The following GPR179 variants were observed in gnomAD, a reference collection of about 807,000 sequenced individuals.
The protein encoded by GPR179 is G protein-coupled receptor 179.
A neutral mutation model predicts 70.8 loss-of-function variants in GPR179; 52 were observed. That is an observed-to-expected ratio of 0.73 (90% confidence interval 0.59 to 0.93). GPR179 has a LOEUF of 0.93. Among genes scored for constraint, GPR179 ranks in the 40% least tolerant of loss-of-function variants. The probability of loss-of-function intolerance (pLI) is 0.00; values close to 1 mark genes in which losing one functional copy is unlikely to be tolerated. For synonymous variants in GPR179, 1,123 were observed against 1,169.0 expected, an observed-to-expected ratio of 0.96 and a Z score of 0.80; for missense variants, 2,734 against 2,966.8, an observed-to-expected ratio of 0.92 and a Z score of 1.82.
Position 38,330,725 on chromosome 17 carries a change from C to T in GPR179, c.2844G>A (p.Leu948=). ...TGGGAGATAGCATCCTTGGCTCTCCCAGGCCCCCAGACAGGGCCAAGATGG... is the reference window on the plus strand; with the variant it reads ...TGGGAGATAGCATCCTTGGCTCTCCTAGGCCCCCAGACAGGGCCAAGATGG... The part of the protein sequence containing the change: ...STPILALSGG[L]GEPRMLSPTS... Residue 948 remains leucine (L), a synonymous_variant, in exon 11 of 11, where the codon CTG becomes CTA. Coordinates refer to ENST00000616987, the MANE Select transcript of GPR179 (RefSeq NM_001004334.4). 1 of 1,590,086 alleles carries T rather than the reference C, an allele frequency of 6.3e-7. No individual in the cohort carries two copies. The highest frequency in any genetic ancestry group is 8.6e-7 in the Non-Finnish European group (1 of 1,165,800).
Position 38,327,567 on chromosome 17 carries a change from T to C in GPR179, c.6002A>G (p.Asp2001Gly). The C allele has an allele frequency of 6.2e-7, 1 of 1,614,130 alleles. No individual in the cohort carries two copies. The highest frequency in any genetic ancestry group is 8.5e-7 in the Non-Finnish European group (1 of 1,180,030). ...GGRAADVCPW[D>G]VPDAGVYKSD... ...TTTATACACACCTGCATCAGGAACATCCCATGGGCACACGTCAGCGGCCCT... is the reference window on the plus strand; with the variant it reads ...TTTATACACACCTGCATCAGGAACACCCCATGGGCACACGTCAGCGGCCCT... The change falls in exon 11 of 11, where the codon GAT (aspartate) becomes GGT (glycine). Residue 2001 changes from aspartate (D) to glycine (G), a missense_variant. Physicochemically the swap from Asp to Gly is moderately conservative, Grantham distance 94. Coordinates refer to ENST00000616987, the MANE Select transcript of GPR179 (RefSeq NM_001004334.4).
chr17:38,327,906 GC>G lies in GPR179; in HGVS notation c.5662del (p.Ala1888ProfsTer11). ...NKDLRESPAQ[A>X]PKISDLPSSM... ...GCTGGGCAAGTCTGAGATCTTGGGG[GC>G]CTGAGCAGGGGATTCCCTCAAGTCC... On this transcript the variant is annotated frameshift_variant, in exon 11 of 11. Transcript: ENST00000616987. LOFTEE classifies it low-confidence loss of function (END_TRUNC). 6.2e-7 allele frequency: 1 copy of G among 1,614,162 alleles called. No homozygotes were observed.
Position 38,333,346 on chromosome 17 carries a change from C to T in GPR179, c.1942G>A (p.Glu648Lys). 1.2e-6 allele frequency: 2 copies of T among 1,614,070 alleles called. No homozygotes were observed. The highest frequency in any genetic ancestry group is 8.5e-7 in the Non-Finnish European group (1 of 1,179,994). The change falls in exon 10 of 11, where the codon GAG becomes AAG. Residue 648 changes from glutamate to lysine, a missense_variant. Glu to Lys is a moderately conservative substitution (Grantham distance 56). Coordinates refer to ENST00000616987, the MANE Select transcript of GPR179 (RefSeq NM_001004334.4). ...GAGTGCTGCAGGTCCAGCTCGTCCT[C>T]ACACACCTCATCCACCATCTCCTCC... ...PREEMVDEVC[E>K]DELDLQHSGS...
At position 38,335,081 on chromosome 17, in the gene GPR179, G is replaced by A; in HGVS notation, c.1597C>T (p.His533Tyr). The A allele has an allele frequency of 6.2e-7, 1 of 1,613,576 alleles. No homozygotes were observed. The highest frequency in any genetic ancestry group is 8.5e-7 in the Non-Finnish European group (1 of 1,179,892). Residue 533 changes from histidine to tyrosine, a missense_variant, in exon 7 of 11, where the codon CAT becomes TAT. Transcript: ENST00000616987. ...VIRGHTPSGR[H>Y]FYLCHHDRWD... ...CGGTCGTGGTGACAGAGGTAGAAAT[G>A]GCGGCCACTGGGAGTGTGGCCTCGG...
At position 38,328,847 on chromosome 17, in the gene GPR179, TG is replaced by T. The variant is rs2037319476; in HGVS notation, c.4721del (p.Pro1574HisfsTer24). 8 of 1,613,404 alleles carry T rather than the reference TG, an allele frequency of 5.0e-6. No homozygotes were observed. The highest frequency in any genetic ancestry group is 6.8e-6 in the Non-Finnish European group (8 of 1,179,848). ...NGGSRATQVCPQEDLRPEAQE... is the reference protein window; with the variant it reads ...NGGSRATQVCXQEDLRPEAQE... ...GTGCCTCCGGCCTGAGATCTTCCTGTGGACACACCTGCGTTGCTCTGCTTCC... is the reference window on the plus strand; with the variant it reads ...GTGCCTCCGGCCTGAGATCTTCCTGTGACACACCTGCGTTGCTCTGCTTCC... On this transcript the variant is annotated frameshift_variant, in exon 11 of 11. Transcript: ENST00000616987. LOFTEE classifies it low-confidence loss of function (END_TRUNC).
intron 1 of GPR179, among the ~76,000 whole-genome samples, chr17:38,339,833 T>A (rs2037435179): frequency 6.6e-6 from 1 of 152,100 alleles, no homozygotes; most frequent in African/African-American, 2.4e-5. Context: ...AACCAAGAAC[T>A]ATTACTCTCA....
chr17:38,331,604 C>T (rs912142515), intron 10 of GPR179, 73 bp from the exon 11 acceptor site: 2 of 1,524,544 alleles, frequency 1.3e-6, no homozygotes, highest in East Asian at 4.5e-5. Context: ...GTTCCTCCAC[C>T]CTTGCCTAGA....
chr17:38,330,623 G>T lies in GPR179; in HGVS notation c.2946C>A (p.Ser982=), dbSNP rs1385928886. Reference sequence around the variant, plus strand: ...AGGTGAGTAAGTTGGGGCTTTGTGGGGATACTGGGACTGGTGCCAGGGCAG... The same window carrying T: ...AGGTGAGTAAGTTGGGGCTTTGTGGTGATACTGGGACTGGTGCCAGGGCAG... ...PAPALAPVPV[S]PQSPNLLTYI... is the part of the protein sequence containing the mutation. The change falls in exon 11 of 11, where the codon TCC becomes TCA. Residue 982 remains serine (S), a synonymous_variant. Coordinates refer to ENST00000616987, the MANE Select transcript of GPR179 (RefSeq NM_001004334.4). 1 of 1,581,112 alleles carries T rather than the reference G, an allele frequency of 6.3e-7. No individual in the cohort carries two copies. The highest frequency in any genetic ancestry group is 1.2e-5 in the South Asian group (1 of 85,652).
At position 38,327,075 on chromosome 17, in the gene GPR179, G is replaced by T. The variant is rs114844749; in HGVS notation, c.6494C>A (p.Thr2165Lys). Residue 2165 changes from threonine (T) to lysine (K), a missense_variant, in exon 11 of 11, where the codon ACG becomes AAG. Physicochemically the swap from Thr to Lys is moderately conservative, Grantham distance 78. Coordinates refer to ENST00000616987, the MANE Select transcript of GPR179 (RefSeq NM_001004334.4). ...MFLQKAGPGG[T>K]EEHFSKAAAK... ...TGCTGCTTTTGAGAAGTGTTCTTCCGTCCCTCCAGGTCCTGCCTTCTGAAG... is the reference window on the plus strand; with the variant it reads ...TGCTGCTTTTGAGAAGTGTTCTTCCTTCCCTCCAGGTCCTGCCTTCTGAAG... The T allele has an allele frequency of 2.6e-4, 422 of 1,614,116 alleles. 2 individuals carry two copies. The African/African-American group carries it at 4.8e-3, about 18-fold the overall frequency.
chr17:38,329,715 T>A lies in GPR179; in HGVS notation c.3854A>T (p.Asp1285Val), dbSNP rs553064393. Residue 1285 changes from aspartate to valine, a missense_variant, in exon 11 of 11, where the codon GAC becomes GTC. Transcript: ENST00000616987. ...GGCCTCCCCTCTCTTTTTTTGGGAGTCACCTGGGTCTTGTCTTAGTGCCCT... is the reference window on the plus strand; with the variant it reads ...GGCCTCCCCTCTCTTTTTTTGGGAGACACCTGGGTCTTGTCTTAGTGCCCT... ...ESRALRQDPG[D>V]SQKKRGEARG... 1.9e-6 allele frequency: 3 copies of A among 1,614,108 alleles called. 1 individual carries two copies. In the African/African-American group the frequency reaches 4.0e-5, roughly 22 times the overall value.
Position 38,328,766 on chromosome 17 carries a change from T to C in GPR179, c.4803A>G (p.Thr1601=), listed in dbSNP as rs761802222. The stretch of plus-strand genomic sequence containing the variant: ...CCTGTGCTGATGTCCATTCCTCTCT[T>C]GTTCTTTCATTTACCTCCCAGGGAC... ...EICPWEVNER[T]REEWTSAQVP... is the part of the protein sequence containing the mutation. Residue 1601 remains threonine (T), a synonymous_variant, in exon 11 of 11, where the codon ACA becomes ACG. Coordinates refer to ENST00000616987, the MANE Select transcript of GPR179 (RefSeq NM_001004334.4). The C allele has an allele frequency of 9.9e-6, 16 of 1,613,744 alleles. No individual in the cohort carries two copies. Among genetic ancestry groups the C allele is most frequent in the Non-Finnish European group, 1.4e-5 (16 of 1,179,948 alleles).
At position 38,328,790 on chromosome 17, in the gene GPR179, A is replaced by G. The variant is rs2037318636; in HGVS notation, c.4779T>C (p.Cys1593=). ...QEATPAKTEI[C]PWEVNERTRE... The stretch of plus-strand genomic sequence containing the variant: ...TTGTTCTTTCATTTACCTCCCAGGG[A>G]CAGATTTCTGTTTTGGCAGGTGTTG... Residue 1593 remains cysteine (C), a synonymous_variant, in exon 11 of 11, where the codon TGT becomes TGC. Transcript: ENST00000616987. 6.2e-7 allele frequency: 1 copy of G among 1,613,992 alleles called. No homozygotes were observed. Among genetic ancestry groups the G allele is most frequent in the South Asian group, 1.1e-5 (1 of 91,074 alleles).
Position 38,326,111 on chromosome 17 carries a change from A to C in GPR179, c.*354T>G, listed in dbSNP as rs974032433. On this transcript the variant is annotated 3_prime_UTR_variant, in exon 11 of 11. Transcript: ENST00000616987. ...CTGTGAGAGAAGGTAGGCTGGGCACAACTGACTTTTTTCATCCCTAACAGT... is the reference window on the plus strand; with the variant it reads ...CTGTGAGAGAAGGTAGGCTGGGCACCACTGACTTTTTTCATCCCTAACAGT... 1.2e-5 allele frequency: 3 copies of C among 243,462 alleles called. No individual in the cohort carries two copies. Among genetic ancestry groups the C allele is most frequent in the African/African-American group, 6.7e-5 (3 of 44,582 alleles). 15.1% of individuals were successfully genotyped at this position (243,462 alleles called of 1,614,324 possible). A position where few individuals can be genotyped will look rare whatever the true frequency, so the allele number is the denominator to read the frequency against.
intron 1 of GPR179, among the ~76,000 whole-genome samples, chr17:38,342,569 CCTCAGGTGATCCACCCGCCT>C (rs1163216445): frequency 6.6e-6 from 1 of 152,172 alleles, no homozygotes; most frequent in Non-Finnish European, 1.5e-5. Flanking sequence ...GAACTCCTGA[CCTCAGGTGATCCACCCGCCT>C]CAGCCTCCCA....
At position 38,335,042 on chromosome 17, in the gene GPR179, T is replaced by G; in HGVS notation, c.1636A>C (p.Met546Leu). The change falls in exon 7 of 11, where the codon ATG (methionine) becomes CTG (leucine). Residue 546 changes from methionine to leucine, a missense_variant. Coordinates refer to ENST00000616987, the MANE Select transcript of GPR179 (RefSeq NM_001004334.4). ...AGCAGAAGCAGCTCACCCACAACCA[T>G]GATGTAGTCCCAGCGGTCGTGGTGA... ...LCHHDRWDYI[M>L]VVAELLLLCW... The G allele has an allele frequency of 6.2e-7, 1 of 1,612,240 alleles. No individual in the cohort carries two copies. Among genetic ancestry groups the G allele is most frequent in the Non-Finnish European group, 8.5e-7 (1 of 1,178,808 alleles).
rs762706464 is a variant in GPR179, at chr17:38,331,163, C to A, written c.2406G>T (p.Glu802Asp). 1 of 1,608,184 alleles carries A rather than the reference C, an allele frequency of 6.2e-7. No homozygotes were observed. Among genetic ancestry groups the A allele is most frequent in the Non-Finnish European group, 8.5e-7 (1 of 1,179,600 alleles). Residue 802 changes from glutamate to aspartate, a missense_variant, in exon 11 of 11, where the codon GAG (glutamate) becomes GAT (aspartate). Coordinates refer to ENST00000616987, the MANE Select transcript of GPR179 (RefSeq NM_001004334.4). Reference protein sequence around the residue: ...RKLAKKASRTESRESVEGPPA... With the variant: ...RKLAKKASRTDSRESVEGPPA... ...GGGGCCCCTCCACCGACTCCCGGCT[C>A]TCTGTTCGAGAGGCCTTCTTGGCCA... is the stretch of plus-strand genomic sequence containing the variant.
At chr17:38,342,169 T>C (rs986112490) in intron 1 of GPR179, among the ~76,000 whole-genome samples, 1 of 151,970 alleles carries the variant, frequency 6.6e-6, no homozygotes, top group Admixed American at 6.6e-5. Context: ...CAGCTCTCAG[T>C]TGCTAGAGAG....
Position 38,337,185 on chromosome 17 carries a change from G to A in GPR179, c.1020C>T (p.Thr340=), listed in dbSNP as rs1266976590. Residue 340 remains threonine, a synonymous_variant, in exon 4 of 11, where the codon ACC becomes ACT. Coordinates refer to ENST00000616987, the MANE Select transcript of GPR179 (RefSeq NM_001004334.4). ...GGLEESDFQT[T]GQFGFPEGRS... ...TGCCTTCTGGGAACCCGAATTGCCC[G>A]GTAGTCTGGAAGTCACTCTCCTCTA... The A allele has an allele frequency of 5.0e-6, 8 of 1,612,330 alleles. No individual in the cohort carries two copies. The highest frequency in any genetic ancestry group is 4.0e-5 in the African/African-American group (3 of 74,900).
At chr17:38,335,360 G>T in intron 6 of GPR179, 89 bp from the exon 7 acceptor site, 1 of 999,752 alleles carries the variant, frequency 1.0e-6, no homozygotes, top group Non-Finnish European at 1.5e-6. Context: ...GTCCATTGCT[G>T]CCCTCTCCTC....
Sources: gnomAD v4.1 joint callset for allele counts (sites outside exome capture counted in the v4.1 genomes callset) on GRCh38, gnomAD v4.1.1 for gene constraint, MANE v1.5 for transcripts, NCBI Gene and HGNC (gene_info 2026-07-23, HGNC 2026-07-21) for gene names.